TNN: variants seen among roughly 807,000 people sequenced by gnomAD.
The protein encoded by TNN is tenascin-N.
In TNN, 122 loss-of-function variants were observed where a neutral mutation model predicts 134.4. That is an observed-to-expected ratio of 0.91 (90% CI 0.78 to 1.06). The LOEUF is 1.06. Among genes scored for constraint, TNN ranks in the 50% least tolerant of loss-of-function variants. TNN has a pLI of 0.00. For synonymous variants in TNN, 710 were observed against 670.3 expected (o/e 1.06, Z -0.91); for missense variants, 1,739 against 1,699.4 (o/e 1.02, Z -0.41).
Position 175,117,114 on chromosome 1 carries a change from G to C in TNN, c.2295G>C (p.Thr765=). The change falls in exon 10 of 19, where the codon ACG becomes ACC. Residue 765 remains threonine, a synonymous_variant. Transcript: ENST00000239462. The stretch of plus-strand genomic sequence containing the variant: ...AGGAGCAGAGTAGCACTGTCCTGAC[G>C]GGCCTGAGGCCGGGTGTGGAGTACA... ...VGKEQSSTVL[T]GLRPGVEYTV... 1 of 1,614,192 alleles carries C rather than the reference G, an allele frequency of 6.2e-7. No homozygotes were observed. Among genetic ancestry groups the C allele is most frequent in the Non-Finnish European group, 8.5e-7 (1 of 1,180,026 alleles).
rs1293355836 is a variant in TNN at position 175,107,491 on chromosome 1, C to G, written c.2119+8896C>G. ...AGTTGTTCGTTCCTCCCAGTGGGCT[C>G]ATGGTCTTGCTGGGCTCAGGAGTGA... On this transcript the variant is annotated intron_variant, in intron 9 of 18. Transcript: ENST00000239462. Among the ~76,000 whole-genome samples, 6 of 142,620 alleles carry G rather than the reference C, an allele frequency of 4.2e-5. 1 individual carries two copies. Among genetic ancestry groups the G allele is most frequent in the African/African-American group, 1.0e-4 (4 of 39,674 alleles). The allele number at this position is 142,620 out of a possible 152,430, so 93.6% of individuals were successfully genotyped here.
rs1024973560 is a variant in TNN, at chr1:175,102,363, C to T, written c.2119+3768C>T. 1.5e-4 allele frequency among the ~76,000 whole-genome samples: 22 copies of T among 145,984 alleles called. 2 individuals are homozygous for T. Among genetic ancestry groups the T allele is most frequent in the East Asian group, 2.3e-4 (1 of 4,330 alleles). Reference sequence around the variant, plus strand: ...CCATGGAGCAGGGGATGGTATTCGTCGGGGAGGCTCGGGCTGCACAGGAAC... The same window carrying T: ...CCATGGAGCAGGGGATGGTATTCGTTGGGGAGGCTCGGGCTGCACAGGAAC... On this transcript the variant is annotated intron_variant, in intron 9 of 18. Transcript: ENST00000239462.
At chr1:175,070,005 A>G (rs963662868) in intron 1 of TNN, among the ~76,000 whole-genome samples, 2 of 152,218 alleles carry the variant, frequency 1.3e-5, no homozygotes, top group Non-Finnish European at 2.9e-5. Flanking sequence ...AATTGTATAC[A>G]AAGTAATATT....
chr1:175,137,860 C>T (rs1001923439), intron 17 of TNN, among the ~76,000 whole-genome samples: 1 of 152,170 alleles, frequency 6.6e-6, no homozygotes, highest in Non-Finnish European at 1.5e-5. Flanking sequence ...TCTCCTTAGA[C>T]TTAAATGTAA....
In TNN at chr1:175,106,974, G is replaced by A. The variant is rs544752737; in HGVS notation, c.2119+8379G>A. Among the ~76,000 whole-genome samples the A allele has an allele frequency of 3.4e-5, 5 of 146,268 alleles. 1 individual carries two copies. In the South Asian group the frequency reaches 1.1e-3, roughly 33 times the overall value. On this transcript the variant is annotated intron_variant, in intron 9 of 18. Transcript: ENST00000239462. ...CGGTATTTAGCCCCCGAATTCTAAA[G>A]AAAGATAGGACAGAATAGCAAGTGA... is the stretch of plus-strand genomic sequence containing the variant.
In TNN at chr1:175,145,675, A is replaced by T. The variant is rs139214833; in HGVS notation, c.3759+1125A>T. On this transcript the variant is annotated intron_variant, in intron 18 of 18. Transcript: ENST00000239462. ...CACCCAAAACCTTCCCAGAACATTG[A>T]GCTAGACCAGTCTCTCCACATTGGG... 3.5e-3 allele frequency among the ~76,000 whole-genome samples: 533 copies of T among 151,546 alleles called. 3 individuals carry two copies. The highest frequency in any genetic ancestry group is 0.012 in the African/African-American group (484 of 41,300).
intron 18 of TNN, among the ~76,000 whole-genome samples, chr1:175,145,337 G>A (rs2861157): frequency 0.79 from 120,527 of 151,638 alleles, 48,076 homozygotes; most frequent in Admixed American, 0.83. Context: ...CTGATTGCTC[G>A]TGCCCAGGAA....
chr1:175,117,128 G>A lies in TNN; in HGVS notation c.2309G>A (p.Gly770Asp), dbSNP rs1339492262. ...ACTGTCCTGACGGGCCTGAGGCCGG[G>A]TGTGGAGTACACGGTGCACGTGTGG... ...SSTVLTGLRP[G>D]VEYTVHVWAQ... The change falls in exon 10 of 19, where the codon GGT becomes GAT. Residue 770 changes from glycine to aspartate, a missense_variant. By Grantham distance (94) the Gly-to-Asp change is moderately conservative. Transcript: ENST00000239462. The A allele has an allele frequency of 2.5e-6, 4 of 1,614,286 alleles. No homozygotes were observed. Among genetic ancestry groups the A allele is most frequent in the Admixed American group, 3.3e-5 (2 of 60,034 alleles).
chr1:175,091,559 TTTTA>T (rs199865867), intron 6 of TNN, among the ~76,000 whole-genome samples: 9,305 of 140,942 alleles, frequency 0.066, 315 homozygotes, highest in Non-Finnish European at 0.084. Context: ...TATTTATTAT[TTTTA>T]TTTATTTATT....
At chr1:175,094,336 T>C in intron 7 of TNN, 83 bp downstream of exon 7, 1 of 1,362,244 alleles carries the variant, frequency 7.3e-7, no homozygotes. Flanking sequence ...ATTGCTCACC[T>C]GGCATCAGCT....
At chr1:175,083,529 G>A (rs1290355057) in intron 4 of TNN, among the ~76,000 whole-genome samples, 2 of 152,174 alleles carry the variant, frequency 1.3e-5, no homozygotes, top group African/African-American at 4.8e-5. Flanking sequence ...GGAAGTGGAG[G>A]CTTTCCCAAA....
At chr1:175,127,679 C>T (rs909894763) in intron 13 of TNN, among the ~76,000 whole-genome samples, 2 of 152,294 alleles carry the variant, frequency 1.3e-5, no homozygotes, top group East Asian at 1.9e-4. Context: ...TTCTCCTTAG[C>T]GCGGCATTGC....
chr1:175,140,241 T>C (rs1196990855), intron 17 of TNN, among the ~76,000 whole-genome samples: 1 of 152,258 alleles, frequency 6.6e-6, no homozygotes, highest in Non-Finnish European at 1.5e-5. Context: ...TTCTTTGGTT[T>C]CCAGTACCCT....
intron 12 of TNN, among the ~76,000 whole-genome samples, chr1:175,124,617 G>T (rs1450318016): frequency 6.6e-6 from 1 of 152,114 alleles, no homozygotes; most frequent in African/African-American, 2.4e-5. Flanking sequence ...GGAGGAGGAG[G>T]TTGCAGTGAG....
chr1:175,132,516 C>T (rs1675700940), intron 15 of TNN, among the ~76,000 whole-genome samples: 1 of 152,200 alleles, frequency 6.6e-6, no homozygotes, highest in Admixed American at 6.5e-5. Flanking sequence ...AAGAGAACAA[C>T]AATGTTAATG....
At chr1:175,117,642 A>T (rs1675219957) in intron 10 of TNN, among the ~76,000 whole-genome samples, 1 of 152,258 alleles carries the variant, frequency 6.6e-6, no homozygotes, top group South Asian at 2.1e-4. Context: ...ATCACATTAT[A>T]ACTATAAAAC....
At chr1:175,120,373 G>A (rs897461239) in intron 11 of TNN, among the ~76,000 whole-genome samples, 2 of 152,236 alleles carry the variant, frequency 1.3e-5, no homozygotes, top group Admixed American at 6.5e-5. Flanking sequence ...CAGATGGGAA[G>A]GGTGAGTAGT....
chr1:175,146,358 C>T (rs564046876), intron 18 of TNN, among the ~76,000 whole-genome samples: 1 of 152,260 alleles, frequency 6.6e-6, no homozygotes, highest in African/African-American at 2.4e-5. Context: ...AAATTGGTCA[C>T]TTGGGCTTTT....
In TNN at chr1:175,147,811, A is replaced by G. The variant is rs1676111319; in HGVS notation, c.*740A>G. 6.6e-6 allele frequency: 1 copy of G among 152,198 alleles called. No homozygotes were observed. Among genetic ancestry groups the G allele is most frequent in the African/African-American group, 2.4e-5 (1 of 41,432 alleles). The allele number at this position is 152,198 out of a possible 1,614,324, so 9.4% of individuals were successfully genotyped here. On this transcript the variant is annotated 3_prime_UTR_variant, in exon 19 of 19. Coordinates refer to ENST00000239462, the MANE Select transcript of TNN (RefSeq NM_022093.2). ...ACTGTCTTGATAATTGGTTCCTCCC[A>G]AAGACTCTTCTGCAACTCCCATTCA...
Sources: gnomAD v4.1 joint callset for allele counts (sites outside exome capture counted in the v4.1 genomes callset) on GRCh38, gnomAD v4.1.1 for gene constraint, MANE v1.5 for transcripts, NCBI Gene and HGNC (gene_info 2026-07-23, HGNC 2026-07-21) for gene names.